TRMT2A: variants seen among roughly 807,000 people sequenced by gnomAD.
The protein encoded by TRMT2A is tRNA (uracil-5-)-methyltransferase homolog A.
TRMT2A carries 60 observed loss-of-function variants against 59.3 expected under a neutral mutation model. That is an observed-to-expected ratio of 1.01 (90% confidence interval 0.82 to 1.26). TRMT2A has a LOEUF of 1.26. TRMT2A is among the 50% of genes most tolerant of loss of function. The pLI, the probability that TRMT2A is intolerant of heterozygous loss-of-function variation, is 0.00. For synonymous variants in TRMT2A, 403 were observed against 353.7 expected (o/e 1.14, Z -1.56); for missense variants, 863 against 845.2 (o/e 1.02, Z -0.26).
Position 20,115,023 on chromosome 22 carries a change from A to G in TRMT2A, c.947T>C (p.Leu316Pro). The change falls in exon 5 of 12, where the codon CTG becomes CCG. Residue 316 changes from leucine (L) to proline (P), a missense_variant. Leu to Pro is a moderately conservative substitution (Grantham distance 98). Coordinates refer to ENST00000252136, the MANE Select transcript of TRMT2A (RefSeq NM_022727.6). The part of the protein sequence containing the change: ...PETYTGHWKQ[L>P]TVRTSRRHQA... ...GTGGCGGCGGCTGGTGCGCACAGTC[A>G]GCTGCTTCCAGTGGCCTGTGTACGT... is the stretch of plus-strand genomic sequence containing the variant. The G allele has an allele frequency of 1.9e-6, 3 of 1,600,242 alleles. No individual in the cohort carries two copies. Among genetic ancestry groups the G allele is most frequent in the Non-Finnish European group, 2.6e-6 (3 of 1,176,008 alleles).
Position 20,113,212 on chromosome 22 carries a change from G to T in TRMT2A, c.1455C>A (p.His485Gln), listed in dbSNP as rs770922404. The T allele has an allele frequency of 5.1e-6, 8 of 1,574,012 alleles. No homozygotes were observed. ...GCACCAGGTCCTCGGCCCTCCCGCA[G>T]TGGAACTCCACATTACTCAACTCTG... The part of the protein sequence containing the change: ...QDNELSNVEF[H>Q]CGRAEDLVPT... Residue 485 changes from histidine (H) to glutamine (Q), a missense_variant, in exon 10 of 12, where the codon CAC becomes CAA. By Grantham distance (24) the His-to-Gln change is conservative. Transcript: ENST00000252136.
intron 11 of TRMT2A, 51 bp downstream of exon 11, chr22:20,112,860 G>T: frequency 6.2e-7 from 1 of 1,612,490 alleles, no homozygotes; most frequent in Non-Finnish European, 8.5e-7. Context: ...TGTGGGAGCT[G>T]GGGGCTTGGT....
intron 1 of TRMT2A, 61 bp downstream of exon 1, chr22:20,116,822 G>GCCCCGCCTCCTCCC: frequency 7.1e-7 from 1 of 1,408,404 alleles, no homozygotes; most frequent in Non-Finnish European, 9.7e-7. Flanking sequence ...CAGGTTTCCT[G>GCCCCGCCTCCTCCC]ACCCACCCCG....
chr22:20,117,136 C>T lies in TRMT2A; in HGVS notation c.-230G>A. 1 of 576,904 alleles carries T rather than the reference C, an allele frequency of 1.7e-6. No individual in the cohort carries two copies. Among genetic ancestry groups the T allele is most frequent in the Non-Finnish European group, 2.9e-6 (1 of 348,928 alleles). The allele number at this position is 576,904 out of a possible 1,614,324, so 35.7% of individuals were successfully genotyped here. ...TCCGGGTCTCAGGCTTGGGGCTGTA[C>T]CGCCCGCCCGCCAGGGGCCCGCGCC... is the stretch of plus-strand genomic sequence containing the variant. On this transcript the variant is annotated 5_prime_UTR_variant, in exon 1 of 12. Coordinates refer to ENST00000252136, the MANE Select transcript of TRMT2A (RefSeq NM_022727.6).
intron 9 of TRMT2A, 63 bp from the exon 10 acceptor site, chr22:20,113,297 G>A (rs2049904416): frequency 6.6e-7 from 1 of 1,513,212 alleles, no homozygotes; most frequent in Non-Finnish European, 8.9e-7. Flanking sequence ...GCCAGCCCTG[G>A]GGAACCCCTA....
In TRMT2A at chr22:20,113,466, A is replaced by G; in HGVS notation, c.1398T>C (p.Ala466=). 4.3e-6 allele frequency: 7 copies of G among 1,610,446 alleles called. No individual in the cohort carries two copies. Among genetic ancestry groups the G allele is most frequent in the East Asian group, 2.2e-5 (1 of 44,630 alleles). ...RVIGVELCPE[A]VEDARVNAQD... Reference sequence around the variant, plus strand: ...GGGCGTTCACCCGGGCGTCCTCCACAGCCTCTGGGCATAGCTCGACCCCAA... The same window carrying G: ...GGGCGTTCACCCGGGCGTCCTCCACGGCCTCTGGGCATAGCTCGACCCCAA... Residue 466 remains alanine (A), a synonymous_variant, in exon 9 of 12, where the codon GCT becomes GCC. Coordinates refer to ENST00000252136, the MANE Select transcript of TRMT2A (RefSeq NM_022727.6).
Position 20,115,742 on chromosome 22 carries a change from A to T in TRMT2A, c.638T>A (p.Leu213Gln), listed in dbSNP as rs1350866753. ...GTTGTGCTTGTGCCTCTGCTCGAGC[A>T]GCCAGGGCAGCAAGGCACGGTTGGT... ...GSTNRALLPW[L>Q]LEQRHKHNKA... Residue 213 changes from leucine to glutamine, a missense_variant, in exon 3 of 12, where the codon CTG becomes CAG. Coordinates refer to ENST00000252136, the MANE Select transcript of TRMT2A (RefSeq NM_022727.6). The T allele has an allele frequency of 6.2e-7, 1 of 1,612,390 alleles. No homozygotes were observed. Among genetic ancestry groups the T allele is most frequent in the African/African-American group, 1.3e-5 (1 of 75,060 alleles).
In TRMT2A at chr22:20,116,587, C is replaced by T. The variant is rs1337488161; in HGVS notation, c.50G>A (p.Gly17Asp). The change falls in exon 2 of 12, where the codon GGC becomes GAC. Residue 17 changes from glycine (G) to aspartate (D), a missense_variant. Physicochemically the swap from Gly to Asp is moderately conservative, Grantham distance 94. Coordinates refer to ENST00000252136, the MANE Select transcript of TRMT2A (RefSeq NM_022727.6). ...GCTCAGGGCACTGCTGCTCTCCTGG[C>T]CACAGCTCTCCATGGGCTTCGGGCC... ...NEGPKPMESC[G>D]QESSSALSCP... 6.4e-7 allele frequency: 1 copy of T among 1,555,182 alleles called. No individual in the cohort carries two copies. The highest frequency in any genetic ancestry group is 2.0e-5 in the Admixed American group (1 of 50,840).
rs143646154 is a variant in TRMT2A at position 20,114,694 on chromosome 22, G to A, written c.1122-9C>T. Reference sequence around the variant, plus strand: ...CCTGGCTAGGAGTCTTTCTGTGGGCGAAGGTGCAGGTCCTTCAGTGTCACA... The same window carrying A: ...CCTGGCTAGGAGTCTTTCTGTGGGCAAAGGTGCAGGTCCTTCAGTGTCACA... On this transcript the variant is annotated splice_polypyrimidine_tract_variant and intron_variant, in intron 6 of 11. Transcript: ENST00000252136. 8.6e-5 allele frequency: 139 copies of A among 1,612,906 alleles called. 1 individual carries two copies. Among genetic ancestry groups the A allele is most frequent in the Middle Eastern group, 1.7e-4 (1 of 6,058 alleles).
chr22:20,116,939 G>A lies in TRMT2A; in HGVS notation c.-33C>T, dbSNP rs1387318461. ...GCGGTTCTCCGCCTAGACCAGGGAC[G>A]CCATGGGGGCCGCCTGGCCACCTCG... On this transcript the variant is annotated 5_prime_UTR_variant, in exon 1 of 12. Transcript: ENST00000252136. 6.3e-7 allele frequency: 1 copy of A among 1,578,290 alleles called. No homozygotes were observed. Among genetic ancestry groups the A allele is most frequent in the Non-Finnish European group, 8.6e-7 (1 of 1,161,722 alleles).
chr22:20,113,157 G>A lies in TRMT2A; in HGVS notation c.1510C>T (p.His504Tyr), dbSNP rs1391352443. Reference sequence around the variant, plus strand: ...GGTGGGTCCAGGATGGCCACGAGGTGCTGGGAGGCCAGTCTGCTCACCAGG... The same window carrying A: ...GGTGGGTCCAGGATGGCCACGAGGTACTGGGAGGCCAGTCTGCTCACCAGG... ...PTLVSRLASQ[H>Y]LVAILDPPRA... The change falls in exon 10 of 12, where the codon CAC becomes TAC. Residue 504 changes from histidine (H) to tyrosine (Y), a missense_variant. Physicochemically the swap from His to Tyr is moderately conservative, Grantham distance 83 (BLOSUM62 2). Coordinates refer to ENST00000252136, the MANE Select transcript of TRMT2A (RefSeq NM_022727.6). 1.3e-6 allele frequency: 2 copies of A among 1,599,076 alleles called. No individual in the cohort carries two copies. Among genetic ancestry groups the A allele is most frequent in the Non-Finnish European group, 1.7e-6 (2 of 1,171,722 alleles).
chr22:20,116,837 CT>C, intron 1 of TRMT2A, 45 bp downstream of exon 1: 14 of 1,551,806 alleles, frequency 9.0e-6, no homozygotes, highest in Non-Finnish European at 1.2e-5. Context: ...ACCCCGCCTC[CT>C]CCCACCCCAT....
At chr22:20,115,913 C>T in intron 2 of TRMT2A, 125 bp downstream of exon 2, 1 of 1,392,094 alleles carries the variant, frequency 7.2e-7, no homozygotes, top group Non-Finnish European at 9.7e-7. Flanking sequence ...GGGTGTCTTG[C>T]TGGCTAGCTC....
In TRMT2A at chr22:20,117,016, G is replaced by A. The variant is rs1032816621; in HGVS notation, c.-110C>T. On this transcript the variant is annotated 5_prime_UTR_variant, in exon 1 of 12. Coordinates refer to ENST00000252136, the MANE Select transcript of TRMT2A (RefSeq NM_022727.6). ...CCTGTCACAAGGGAAGTGCTCAGAG[G>A]GGAGGTGCTCACAGAGCCGGTGCAA... is the stretch of plus-strand genomic sequence containing the variant. The A allele has an allele frequency of 6.3e-6, 9 of 1,417,776 alleles. No homozygotes were observed. The Admixed American group carries it at 1.0e-4, about 16-fold the overall frequency. 87.8% of individuals were successfully genotyped at this position (1,417,776 alleles called of 1,614,324 possible). A position where few individuals can be genotyped will look rare whatever the true frequency, so the allele number is the denominator to read the frequency against.
rs1006278979 is a variant in TRMT2A, at chr22:20,116,931, C to T, written c.-25G>A. 5.7e-6 allele frequency: 9 copies of T among 1,584,450 alleles called. No individual in the cohort carries two copies. The highest frequency in any genetic ancestry group is 6.9e-6 in the Non-Finnish European group (8 of 1,165,026). ...TCGCCCAGGCGGTTCTCCGCCTAGACCAGGGACGCCATGGGGGCCGCCTGG... is the reference window on the plus strand; with the variant it reads ...TCGCCCAGGCGGTTCTCCGCCTAGATCAGGGACGCCATGGGGGCCGCCTGG... On this transcript the variant is annotated 5_prime_UTR_variant, in exon 1 of 12. Transcript: ENST00000252136.
rs2049974648 is a variant in TRMT2A at position 20,115,256 on chromosome 22, A to C, written c.890+10T>G. On this transcript the variant is annotated intron_variant, in intron 4 of 11. Transcript: ENST00000252136. ...TAGGACTTCCCGGGAGCCCCGTCAC[A>C]GGTCCTCACCGGATGAACTCCTGGA... 3 of 1,605,874 alleles carry C rather than the reference A, an allele frequency of 1.9e-6. No individual in the cohort carries two copies. The highest frequency in any genetic ancestry group is 2.6e-6 in the Non-Finnish European group (3 of 1,174,316).
chr22:20,117,027 A>G lies in TRMT2A; in HGVS notation c.-121T>C. ...GGAAGTGCTCAGAGGGGAGGTGCTC[A>G]CAGAGCCGGTGCAACGCCGCGAGGT... On this transcript the variant is annotated 5_prime_UTR_variant, in exon 1 of 12. Coordinates refer to ENST00000252136, the MANE Select transcript of TRMT2A (RefSeq NM_022727.6). 7.4e-7 allele frequency: 1 copy of G among 1,345,818 alleles called. No homozygotes were observed. Among genetic ancestry groups the G allele is most frequent in the Non-Finnish European group, 1.0e-6 (1 of 975,518 alleles). 83.4% of individuals were successfully genotyped at this position (1,345,818 alleles called of 1,614,324 possible).
intron 9 of TRMT2A, 45 bp from the exon 10 acceptor site, chr22:20,113,279 C>A: frequency 6.6e-7 from 1 of 1,513,536 alleles, no homozygotes; most frequent in Non-Finnish European, 8.9e-7. Context: ...ACATGCCCTC[C>A]CAGCAGGGCC....
chr22:20,112,362 G>A lies in TRMT2A; in HGVS notation c.*201C>T. Reference sequence around the variant, plus strand: ...TTGGCTAGTCCACAAAGGCCCTGGGGATGGGCAACAGGCTACAGGAACCCA... The same window carrying A: ...TTGGCTAGTCCACAAAGGCCCTGGGAATGGGCAACAGGCTACAGGAACCCA... On this transcript the variant is annotated 3_prime_UTR_variant, in exon 12 of 12. Coordinates refer to ENST00000252136, the MANE Select transcript of TRMT2A (RefSeq NM_022727.6). 1 of 649,454 alleles carries A rather than the reference G, an allele frequency of 1.5e-6. No homozygotes were observed. Among genetic ancestry groups the A allele is most frequent in the Non-Finnish European group, 2.6e-6 (1 of 379,892 alleles). The allele number at this position is 649,454 out of a possible 1,614,324, so 40.2% of individuals were successfully genotyped here.
Sources: allele counts gnomAD v4.1 joint callset, GRCh38; gene constraint gnomAD v4.1.1; transcripts MANE v1.5; gene names NCBI Gene and HGNC (gene_info 2026-07-23, HGNC 2026-07-21).